The following PIK3C2B variants were observed in gnomAD, a reference collection of about 807,000 sequenced individuals.
PIK3C2B encodes the protein phosphatidylinositol-4-phosphate 3-kinase catalytic subunit type 2 beta.
PIK3C2B carries 83 observed loss-of-function variants against 184.3 expected under a neutral mutation model. The ratio of observed to expected loss-of-function variants is 0.45; its 90% confidence interval spans 0.38 to 0.54. PIK3C2B has a LOEUF of 0.54. PIK3C2B is among the 20% of genes least tolerant of loss of function. PIK3C2B has a pLI of 0.00. For synonymous variants in PIK3C2B, 779 were observed against 837.6 expected (o/e 0.93, Z 1.21); for missense variants, 1,736 against 2,113.5 (o/e 0.82, Z 3.50).
intron 1 of PIK3C2B, among the ~76,000 whole-genome samples, chr1:204,493,265 AG>A (rs1658127716): frequency 6.6e-6 from 1 of 152,134 alleles, no homozygotes; most frequent in Non-Finnish European, 1.5e-5. Flanking sequence ...AGCAAGGAGG[AG>A]GGGCAGCATT....
chr1:204,455,322 A>T (rs1332276946), intron 11 of PIK3C2B, among the ~76,000 whole-genome samples: 2 of 145,188 alleles, frequency 1.4e-5, no homozygotes, highest in Non-Finnish European at 3.0e-5. Context: ...AGAGAAGGGG[A>T]AGGGGGTTGG....
Position 204,469,346 on chromosome 1 carries a change from T to C in PIK3C2B, c.457A>G (p.Lys153Glu). The change falls in exon 2 of 33, where the codon AAA becomes GAA. Residue 153 changes from lysine to glutamate, a missense_variant. Physicochemically the swap from Lys to Glu is moderately conservative, Grantham distance 56 (BLOSUM62 1). This residue lies in a region of PIK3C2B where 404 missense variants were observed against 418.0 expected (regional missense o/e 0.97). Coordinates refer to ENST00000684373, the MANE Select transcript of PIK3C2B (RefSeq NM_001377334.1). Reference protein sequence around the residue: ...GPGDIEGSCKKLSPPPLPPRA... With the variant: ...GPGDIEGSCKELSPPPLPPRA... ...GGAGGCAGAGGAGGTGGGGATAGTT[T>C]CTTGCAAGAGCCCTCTATGTCCCCT... 6.5e-7 allele frequency: 1 copy of C among 1,527,582 alleles called. No individual in the cohort carries two copies. Among genetic ancestry groups the C allele is most frequent in the South Asian group, 1.3e-5 (1 of 75,838 alleles). The allele number at this position is 1,527,582 out of a possible 1,614,324, so 94.6% of individuals were successfully genotyped here.
rs1415889497 is a variant in PIK3C2B, at chr1:204,433,174, G to A, written c.3953+142C>T. 7.2e-6 allele frequency: 4 copies of A among 558,432 alleles called. No individual in the cohort carries two copies. The highest frequency in any genetic ancestry group is 3.4e-5 in the Admixed American group (1 of 29,748). 34.6% of individuals were successfully genotyped at this position (558,432 alleles called of 1,614,324 possible). A position where few individuals can be genotyped will look rare whatever the true frequency, so the allele number is the denominator to read the frequency against. ...TTACCTAAATCACGGGCAAAGTTGG[G>A]ACAATGTATCCACGTGGTCAGCTCT... is the stretch of plus-strand genomic sequence containing the variant. On this transcript the variant is annotated intron_variant, in intron 26 of 32. Coordinates refer to ENST00000684373, the MANE Select transcript of PIK3C2B (RefSeq NM_001377334.1). This position sits in a 1 kb window ranked among gnomAD's most constrained non-coding sequence, Gnocchi z 5.0.
chr1:204,478,636 T>A (rs1656894260), intron 1 of PIK3C2B, among the ~76,000 whole-genome samples: 1 of 152,198 alleles, frequency 6.6e-6, no homozygotes, highest in Non-Finnish European at 1.5e-5. Flanking sequence ...TAACAGCTTG[T>A]GTTTTCTTCC....
intron 3 of PIK3C2B, 84 bp from the exon 4 acceptor site, chr1:204,464,688 G>A: frequency 7.6e-7 from 1 of 1,320,264 alleles, no homozygotes; most frequent in South Asian, 1.4e-5. Flanking sequence ...CATGCTCTGA[G>A]GCTCAAGAGC....
At chr1:204,465,836 A>G (rs1655721733) in intron 2 of PIK3C2B, among the ~76,000 whole-genome samples, 1 of 152,232 alleles carries the variant, frequency 6.6e-6, no homozygotes, top group African/African-American at 2.4e-5. Context: ...ACCCTTAGAT[A>G]GAGGAGATGA....
chr1:204,490,853 A>G (rs907484922), intron 1 of PIK3C2B, among the ~76,000 whole-genome samples: 5 of 152,196 alleles, frequency 3.3e-5, no homozygotes, highest in Non-Finnish European at 7.3e-5. Flanking sequence ...ATACCAAAAC[A>G]AGAAATCTGC....
intron 1 of PIK3C2B, among the ~76,000 whole-genome samples, chr1:204,473,135 G>A (rs1214403266): frequency 6.6e-6 from 1 of 152,210 alleles, no homozygotes; most frequent in East Asian, 1.9e-4. Flanking sequence ...ACTCTTGGGT[G>A]GCAAGTTGCT....
chr1:204,460,844 T>A (rs1341890176), intron 5 of PIK3C2B, among the ~76,000 whole-genome samples, 183 bp from the exon 6 acceptor site: 1 of 152,086 alleles, frequency 6.6e-6, no homozygotes, highest in Non-Finnish European at 1.5e-5. Context: ...GGAACAGAGG[T>A]CTATCTAAAC....
intron 23 of PIK3C2B, among the ~76,000 whole-genome samples, chr1:204,437,295 G>A (rs1408673085): frequency 6.6e-6 from 1 of 152,014 alleles, no homozygotes; most frequent in East Asian, 1.9e-4. Flanking sequence ...AGGAGTTCGC[G>A]ACCAGCCTGG....
At chr1:204,479,381 G>C (rs1483797345) in intron 1 of PIK3C2B, among the ~76,000 whole-genome samples, 1 of 151,982 alleles carries the variant, frequency 6.6e-6, no homozygotes, top group Non-Finnish European at 1.5e-5. Context: ...AGGGGGACAG[G>C]GAAGGTCCCA....
At chr1:204,474,890 G>A (rs1656596638) in intron 1 of PIK3C2B, among the ~76,000 whole-genome samples, 1 of 151,842 alleles carries the variant, frequency 6.6e-6, no homozygotes, top group Non-Finnish European at 1.5e-5. Flanking sequence ...GCACCACCCA[G>A]TCCCCCAAGC....
chr1:204,440,294 G>A lies in PIK3C2B; in HGVS notation c.3277C>T (p.Leu1093=). 1 of 1,604,740 alleles carries A rather than the reference G, an allele frequency of 6.2e-7. No individual in the cohort carries two copies. Among genetic ancestry groups the A allele is most frequent in the Middle Eastern group, 1.7e-4 (1 of 6,030 alleles). Residue 1093 remains leucine (L), a synonymous_variant, in exon 22 of 33, where the codon CTA becomes TTA. Transcript: ENST00000684373. ...KCGDDLRQDM[L]TLQMIRIMSK... Reference sequence around the variant, plus strand: ...ATGATGCGAATCATCTGCAGCGTTAGCATGTCCTGGCGAAGGTCGTCCCCA... The same window carrying A: ...ATGATGCGAATCATCTGCAGCGTTAACATGTCCTGGCGAAGGTCGTCCCCA...
chr1:204,491,927 T>C (rs1308850039), intron 1 of PIK3C2B, among the ~76,000 whole-genome samples: 2 of 152,164 alleles, frequency 1.3e-5, no homozygotes, highest in Non-Finnish European at 2.9e-5. Flanking sequence ...CCTACAAATA[T>C]CATGAGGCAT....
chr1:204,460,269 G>T, intron 7 of PIK3C2B, 55 bp downstream of exon 7: 1 of 1,396,338 alleles, frequency 7.2e-7, no homozygotes, highest in Non-Finnish European at 1.0e-6. Flanking sequence ...CACATCTGAT[G>T]GGATCCCTGC....
At chr1:204,474,055 G>T (rs934329834) in intron 1 of PIK3C2B, among the ~76,000 whole-genome samples, 1 of 147,500 alleles carries the variant, frequency 6.8e-6, no homozygotes, top group South Asian at 2.1e-4. Context: ...GCAATGGCGC[G>T]ATCTCGGCTC....
At chr1:204,459,290 T>A (rs1173530262) in intron 8 of PIK3C2B, among the ~76,000 whole-genome samples, 1 of 152,244 alleles carries the variant, frequency 6.6e-6, no homozygotes, top group African/African-American at 2.4e-5. Flanking sequence ...GGGTTAGGAT[T>A]ACAGGCGTGG....
intron 22 of PIK3C2B, 33 bp downstream of exon 22, chr1:204,440,159 C>A (rs760929451): frequency 6.3e-7 from 1 of 1,590,330 alleles, no homozygotes; most frequent in Non-Finnish European, 8.6e-7. Flanking sequence ...AAAGCGGTCC[C>A]CTCCTCCACC....
At chr1:204,481,949 T>C (rs1657186714) in intron 1 of PIK3C2B, among the ~76,000 whole-genome samples, 1 of 152,144 alleles carries the variant, frequency 6.6e-6, no homozygotes, top group Admixed American at 6.5e-5. Flanking sequence ...CCTAAACATC[T>C]GATACTCACT....
Sources: allele counts gnomAD v4.1 joint callset (sites outside exome capture counted in the v4.1 genomes callset), GRCh38; gene constraint gnomAD v4.1.1; regional missense constraint gnomAD v4.1.1; non-coding constraint Gnocchi (gnomAD v3.1); transcripts MANE v1.5; gene names NCBI Gene and HGNC (gene_info 2026-07-23, HGNC 2026-07-21).